The following CCBE1 variants were observed in gnomAD, a reference collection of about 807,000 sequenced individuals.
CCBE1 encodes the protein collagen and calcium-binding EGF domain-containing protein 1.
Under a neutral mutation model 50.0 loss-of-function variants are expected in CCBE1, and 37 were observed. The ratio of observed to expected loss-of-function variants is 0.74; its 90% CI spans 0.57 to 0.97. The LOEUF is 0.97. Among genes scored for constraint, CCBE1 ranks in the 50% least tolerant of loss-of-function variants. The pLI is 0.00. For missense variants in CCBE1, 538 were observed against 523.8 expected (o/e 1.03, Z -0.26); for synonymous variants, 234 against 203.7 (o/e 1.15, Z -1.27).
chr18:59,644,859 A>G (rs779231558), intron 2 of CCBE1, among the ~76,000 whole-genome samples: 50 of 152,374 alleles, frequency 3.3e-4, no homozygotes, highest in Middle Eastern at 6.8e-3. Context: ...TCTCAAATAA[A>G]AGATTTTCCT....
At position 59,681,484 on chromosome 18, in the gene CCBE1, T is replaced by G. The variant is rs2054587335; in HGVS notation, c.212+15145A>C. ...CCCAAAGGCAACTCAATTTCTCCTT[T>G]TTAGGAAGGGAGTGGGTGCCGTGGG... On this transcript the variant is annotated intron_variant, in intron 2 of 10. Coordinates refer to ENST00000439986, the MANE Select transcript of CCBE1 (RefSeq NM_133459.4). 3.3e-5 allele frequency among the ~76,000 whole-genome samples: 5 copies of G among 152,322 alleles called. No homozygotes were observed. The South Asian group carries it at 1.0e-3, about 32-fold the overall frequency.
intron 2 of CCBE1, among the ~76,000 whole-genome samples, chr18:59,640,799 AAAC>A (rs996962142): frequency 3.3e-5 from 5 of 152,314 alleles, no homozygotes; most frequent in African/African-American, 1.2e-4. Flanking sequence ...CAAAAAATCC[AAAC>A]AACCCCACTA....
intron 2 of CCBE1, among the ~76,000 whole-genome samples, chr18:59,632,175 G>A (rs1203977177): frequency 6.6e-6 from 1 of 152,152 alleles, no homozygotes; most frequent in Non-Finnish European, 1.5e-5. Flanking sequence ...TCATTGATGA[G>A]GAAACCAAGG....
intron 2 of CCBE1, among the ~76,000 whole-genome samples, chr18:59,543,979 G>T (rs542221874): frequency 6.6e-6 from 1 of 152,082 alleles, no homozygotes; most frequent in African/African-American, 2.4e-5. Flanking sequence ...TCAAACACAC[G>T]TATTCTGGAA....
At chr18:59,600,632 G>C (rs947569051) in intron 2 of CCBE1, among the ~76,000 whole-genome samples, 1 of 152,104 alleles carries the variant, frequency 6.6e-6, no homozygotes. Context: ...ACCCGGGTTA[G>C]CAAAGGTCCT....
intron 4 of CCBE1, among the ~76,000 whole-genome samples, chr18:59,469,016 G>A (rs558192473): frequency 6.6e-6 from 1 of 152,286 alleles, no homozygotes; most frequent in Non-Finnish European, 1.5e-5. Context: ...GGCTGGTGCC[G>A]TGGATGGTGC....
intron 2 of CCBE1, among the ~76,000 whole-genome samples, chr18:59,675,281 A>G (rs1322175484): frequency 6.6e-6 from 1 of 152,220 alleles, no homozygotes; most frequent in Non-Finnish European, 1.5e-5. Context: ...CTGATTCGGC[A>G]GGAATTTCTG....
chr18:59,596,274 G>T (rs965163833), intron 2 of CCBE1, among the ~76,000 whole-genome samples: 32 of 152,028 alleles, frequency 2.1e-4, no homozygotes, highest in Admixed American at 2.1e-3. Flanking sequence ...CCAATGTCAG[G>T]GTCCACTCAC....
At chr18:59,439,466 AAAAACAAAAAC>A (rs1385865235) in intron 9 of CCBE1, 66 bp downstream of exon 9, 38 of 1,581,176 alleles carry the variant, frequency 2.4e-5, no homozygotes, top group Middle Eastern at 1.7e-4. Flanking sequence ...GACCATCTCA[AAAAACAAAAAC>A]AAAACAAAAC....
chr18:59,570,990 AGAGT>A (rs780226509), intron 2 of CCBE1, among the ~76,000 whole-genome samples: 11 of 152,186 alleles, frequency 7.2e-5, no homozygotes, highest in Non-Finnish European at 1.3e-4. Flanking sequence ...CTCCATCACA[AGAGT>A]AAGTCGACTG....
At chr18:59,447,922 T>C in intron 7 of CCBE1, 61 bp downstream of exon 7, 8 of 1,608,184 alleles carry the variant, frequency 5.0e-6, no homozygotes, top group Non-Finnish European at 2.6e-6. Flanking sequence ...CCAGCAAATG[T>C]GAGCTTTTGG....
chr18:59,561,532 A>G (rs982631149), intron 2 of CCBE1, among the ~76,000 whole-genome samples: 5 of 152,208 alleles, frequency 3.3e-5, no homozygotes, highest in Admixed American at 2.6e-4. Flanking sequence ...TAGCCATAAC[A>G]TGGGAAGGCC....
chr18:59,544,968 G>C (rs115524922), intron 2 of CCBE1, among the ~76,000 whole-genome samples: 2,508 of 152,274 alleles, frequency 0.016, 68 homozygotes, highest in African/African-American at 0.055. Context: ...TGACAAAACA[G>C]AATATATGAA....
At chr18:59,570,682 G>A (rs1413580566) in intron 2 of CCBE1, among the ~76,000 whole-genome samples, 1 of 152,118 alleles carries the variant, frequency 6.6e-6, no homozygotes, top group Non-Finnish European at 1.5e-5. Flanking sequence ...GTGCTGGCGG[G>A]GGTGGGGCAG....
chr18:59,638,085 TTC>T (rs535849632), intron 2 of CCBE1, among the ~76,000 whole-genome samples: 56 of 152,310 alleles, frequency 3.7e-4, no homozygotes, highest in African/African-American at 1.1e-3. Flanking sequence ...GGAAAACTGT[TTC>T]TCACCATGTA....
At chr18:59,493,228 G>T (rs925686451) in intron 2 of CCBE1, among the ~76,000 whole-genome samples, 3 of 152,214 alleles carry the variant, frequency 2.0e-5, no homozygotes, top group Non-Finnish European at 4.4e-5. Context: ...AATAAATCAT[G>T]ATGTGACAGA....
At chr18:59,533,521 CTTA>C (rs1281468848) in intron 2 of CCBE1, among the ~76,000 whole-genome samples, 1 of 152,064 alleles carries the variant, frequency 6.6e-6, no homozygotes, top group Non-Finnish European at 1.5e-5. Context: ...ATGTATAACT[CTTA>C]TGTTAGAAAT....
chr18:59,655,925 T>A (rs146594742), intron 2 of CCBE1, among the ~76,000 whole-genome samples: 1 of 152,220 alleles, frequency 6.6e-6, no homozygotes, highest in East Asian at 1.9e-4. Flanking sequence ...TCCCTTTTCA[T>A]GAGCCTGACA....
chr18:59,628,759 T>C (rs909670946), intron 2 of CCBE1, among the ~76,000 whole-genome samples: 2 of 152,178 alleles, frequency 1.3e-5, no homozygotes, highest in Non-Finnish European at 2.9e-5. Flanking sequence ...TCCTCTCAAG[T>C]GGAACAAAAT....
Sources: gnomAD v4.1 joint callset for allele counts (sites outside exome capture counted in the v4.1 genomes callset) on GRCh38, gnomAD v4.1.1 for gene constraint, MANE v1.5 for transcripts, NCBI Gene and HGNC (gene_info 2026-07-23, HGNC 2026-07-21) for gene names.